The following HEATR4 variants were observed in gnomAD, a reference collection of about 807,000 sequenced individuals.
HEATR4 encodes the protein HEAT repeat containing 4.
In HEATR4, 95 loss-of-function variants were observed where a neutral mutation model predicts 108.8. The observed-to-expected ratio is 0.87, with a 90% CI of 0.74 to 1.04. The LOEUF (loss-of-function observed/expected upper bound fraction) is 1.04, where lower values mean the gene tolerates loss of function less well. HEATR4 is among the 50% of genes least tolerant of loss of function. HEATR4 has a pLI of 0.00. For missense variants in HEATR4, 1,152 were observed against 1,253.8 expected, an observed-to-expected ratio of 0.92 and a Z score of 1.23; for synonymous variants, 443 against 459.4, an observed-to-expected ratio of 0.96 and a Z score of 0.46.
chr14:73,624,653 C>CA, the HEATR4 span, among the ~76,000 whole-genome samples: 15 of 152,256 alleles, frequency 9.9e-5, no homozygotes, highest in African/African-American at 3.1e-4. Flanking sequence ...TTCTTTATAG[C>CA]AACACAAATG....
intron 6 of HEATR4, among the ~76,000 whole-genome samples, chr14:73,513,812 G>A (rs965024691): frequency 4.8e-5 from 7 of 146,520 alleles, no homozygotes; most frequent in African/African-American, 1.8e-4. Flanking sequence ...ACAAATTACT[G>A]AAGTAATACC....
chr14:73,619,819 G>A, the HEATR4 span: 1 of 1,603,504 alleles, frequency 6.2e-7, no homozygotes, highest in African/African-American at 1.3e-5. Context: ...TAAAAAATCT[G>A]TCAAGCACAG....
chr14:73,572,525 A>G, the HEATR4 span, among the ~76,000 whole-genome samples: 4 of 151,382 alleles, frequency 2.6e-5, no homozygotes, highest in South Asian at 4.2e-4. Flanking sequence ...TGATACACAG[A>G]AAGTCCAGGA....
chr14:73,617,225 GA>G, the HEATR4 span: 1 of 1,614,116 alleles, frequency 6.2e-7, no homozygotes. Flanking sequence ...GTGCAGAAGA[GA>G]GGGGATAGAG....
intron 1 of HEATR4, among the ~76,000 whole-genome samples, chr14:73,553,049 C>G (rs1699207094): frequency 8.6e-6 from 1 of 115,660 alleles, no homozygotes; most frequent in Non-Finnish European, 1.9e-5. Flanking sequence ...TCTGCCATAG[C>G]CCCTGCCTGG....
intron 1 of HEATR4, among the ~76,000 whole-genome samples, chr14:73,535,806 A>G (rs1383699841): frequency 8.7e-6 from 1 of 114,420 alleles, no homozygotes; most frequent in Non-Finnish European, 1.9e-5. Flanking sequence ...ACAGGGTCTT[A>G]TCCAGGTTGG....
chr14:73,524,970 G>A (rs1454751169), intron 2 of HEATR4, among the ~76,000 whole-genome samples: 1 of 152,106 alleles, frequency 6.6e-6, no homozygotes, highest in East Asian at 1.9e-4. Context: ...ATGTGTAAAA[G>A]TGACCGTATT....
chr14:73,613,043 C>T, the HEATR4 span: 2 of 757,954 alleles, frequency 2.6e-6, no homozygotes, highest in Non-Finnish European at 1.9e-6. Context: ...GTAGTCTGCC[C>T]AGAATTTGGT....
At chr14:73,486,989 C>A (rs1381345167) in intron 17 of HEATR4, among the ~76,000 whole-genome samples, 1 of 151,826 alleles carries the variant, frequency 6.6e-6, no homozygotes, top group Non-Finnish European at 1.5e-5. Context: ...AGTTCCTGGC[C>A]CAGCGCGATG....
At chr14:73,581,039 G>A in the HEATR4 span, 1 of 151,992 alleles carries the variant, frequency 6.6e-6, no homozygotes, top group South Asian at 2.1e-4. Flanking sequence ...ACCCAACATA[G>A]TGTTTTGATA....
chr14:73,538,802 T>C (rs1888973323), intron 1 of HEATR4, among the ~76,000 whole-genome samples: 1 of 112,292 alleles, frequency 8.9e-6, no homozygotes, highest in African/African-American at 2.9e-5. Flanking sequence ...ACCCCGTCTC[T>C]ACTAAAAATA....
the HEATR4 span, among the ~76,000 whole-genome samples, chr14:73,579,788 G>A: frequency 2.6e-5 from 4 of 151,790 alleles, no homozygotes; most frequent in African/African-American, 9.7e-5. Context: ...GTTTTTAAAA[G>A]CATATTTAAA....
At chr14:73,598,005 T>C in the HEATR4 span, among the ~76,000 whole-genome samples, 1 of 151,594 alleles carries the variant, frequency 6.6e-6, no homozygotes. Context: ...ATTACAGGTG[T>C]GAGCCACTGC....
At chr14:73,591,642 T>TC in the HEATR4 span, 7 of 309,678 alleles carry the variant, frequency 2.3e-5, no homozygotes, top group African/African-American at 1.5e-4. Flanking sequence ...AAATTGATCA[T>TC]CCAACAACTT....
the HEATR4 span, among the ~76,000 whole-genome samples, chr14:73,570,810 C>T: frequency 6.7e-6 from 1 of 149,910 alleles, no homozygotes; most frequent in African/African-American, 2.5e-5. Flanking sequence ...GAGGTTGAGG[C>T]AGGAGAATCG....
At chr14:73,482,786 G>A (rs1411815955) in intron 17 of HEATR4, among the ~76,000 whole-genome samples, 1 of 152,058 alleles carries the variant, frequency 6.6e-6, no homozygotes, top group Non-Finnish European at 1.5e-5. Context: ...AGCCACCCAA[G>A]TAGCTGAGAT....
the HEATR4 span, chr14:73,619,211 T>C: frequency 3.9e-6 from 6 of 1,531,050 alleles, no homozygotes; most frequent in Non-Finnish European, 5.2e-6. Flanking sequence ...TAAGCTTGTT[T>C]TCCTTCTCTT....
intron 7 of HEATR4, 93 bp downstream of exon 7, chr14:73,511,913 G>C: frequency 1.3e-6 from 2 of 1,483,626 alleles, no homozygotes; most frequent in Non-Finnish European, 1.9e-6. Context: ...TTTGTAAAAT[G>C]ATCTCAGATA....
At chr14:73,558,253 AT>A (rs1229767920) in intron 1 of HEATR4, among the ~76,000 whole-genome samples, 1 of 136,050 alleles carries the variant, frequency 7.4e-6, no homozygotes, top group African/African-American at 2.8e-5. Flanking sequence ...AGTTCCCCTC[AT>A]TTTTTCCCCT....
Sources: allele counts gnomAD v4.1 joint callset (sites outside exome capture counted in the v4.1 genomes callset), GRCh38; gene constraint gnomAD v4.1.1; transcripts MANE v1.5; gene names NCBI Gene and HGNC (gene_info 2026-07-23, HGNC 2026-07-21).